The following MORC1 variants were observed in gnomAD, a reference collection of about 807,000 sequenced individuals.
MORC1 encodes the protein MORC family CW-type zinc finger protein 1.
In MORC1, 59 loss-of-function variants were observed where a neutral mutation model predicts 134.9. The ratio of observed to expected loss-of-function variants is 0.44; its 90% CI spans 0.35 to 0.54. The LOEUF is 0.54. Ranked by LOEUF, MORC1 falls within the 20% of genes least tolerant of loss-of-function variation. The pLI, the probability that MORC1 is intolerant of heterozygous loss-of-function variation, is 0.00. For synonymous variants in MORC1, 395 were observed against 391.7 expected (o/e 1.01, Z -0.10); for missense variants, 947 against 1,134.5 (o/e 0.83, Z 2.37).
chr3:109,032,884 G>T, intron 15 of MORC1, 59 bp from the exon 16 acceptor site: 2 of 1,132,972 alleles, frequency 1.8e-6, no homozygotes, highest in Non-Finnish European at 2.6e-6. Flanking sequence ...ATCATAGTAA[G>T]ATGTCAGTTT....
intron 14 of MORC1, among the ~76,000 whole-genome samples, chr3:109,041,633 G>C (rs939053035): frequency 3.9e-5 from 6 of 152,090 alleles, no homozygotes; most frequent in Non-Finnish European, 8.8e-5. Flanking sequence ...CAGCTCATGA[G>C]GTCAAGAGAT....
At chr3:109,032,868 G>C in intron 15 of MORC1, 43 bp from the exon 16 acceptor site, 2 of 1,252,526 alleles carry the variant, frequency 1.6e-6, no homozygotes, top group Non-Finnish European at 2.3e-6. Flanking sequence ...GATCAGAAAT[G>C]AATCTATCAT....
chr3:108,970,489 G>T (rs1327415325), intron 25 of MORC1, among the ~76,000 whole-genome samples: 5 of 152,118 alleles, frequency 3.3e-5, no homozygotes, highest in African/African-American at 1.2e-4. Context: ...CCACGGGAGA[G>T]GATGAGGTGA....
chr3:109,095,621 C>T (rs1484275665), intron 6 of MORC1, among the ~76,000 whole-genome samples: 1 of 152,194 alleles, frequency 6.6e-6, no homozygotes, highest in Admixed American at 6.5e-5. Flanking sequence ...GACTGGAAGA[C>T]ATACCAGGCA....
At chr3:108,963,253 A>G (rs1947129944) in intron 27 of MORC1, among the ~76,000 whole-genome samples, 161 bp downstream of exon 27, 1 of 152,142 alleles carries the variant, frequency 6.6e-6, no homozygotes, top group Admixed American at 6.5e-5. Flanking sequence ...ATGCCTTCAC[A>G]GTTCATTTAT....
At chr3:109,112,245 T>C (rs1018449841) in intron 2 of MORC1, among the ~76,000 whole-genome samples, 5 of 152,218 alleles carry the variant, frequency 3.3e-5, no homozygotes, top group African/African-American at 7.2e-5. Flanking sequence ...TGAAGAGCTA[T>C]TGTATTAGGA....
intron 27 of MORC1, among the ~76,000 whole-genome samples, chr3:108,960,712 C>A (rs987854924): frequency 1.3e-5 from 2 of 152,082 alleles, no homozygotes; most frequent in African/African-American, 4.8e-5. Context: ...GCTTATTCCT[C>A]TCATCAGACA....
chr3:109,040,197 C>CA lies in MORC1; in HGVS notation c.1331-4730dup, dbSNP rs1383606440. Among the ~76,000 whole-genome samples the CA allele has an allele frequency of 2.0e-5, 3 of 150,764 alleles. No individual in the cohort carries two copies. The South Asian group carries it at 6.3e-4, about 32-fold the overall frequency. On this transcript the variant is annotated intron_variant, in intron 14 of 27. Transcript: ENST00000232603. Reference sequence around the variant, plus strand: ...TTAGATTCAAATGTCCAGTTTTCGGCAAAAAAAGAAATCACAAGTCATACG... The same window carrying CA: ...TTAGATTCAAATGTCCAGTTTTCGGCAAAAAAAAGAAATCACAAGTCATACG...
At chr3:109,093,958 T>C (rs951162418) in intron 7 of MORC1, among the ~76,000 whole-genome samples, 4 of 152,200 alleles carry the variant, frequency 2.6e-5, no homozygotes, top group African/African-American at 9.7e-5. Context: ...ATAAGAAATA[T>C]TGTTTTCATA....
intron 1 of MORC1, among the ~76,000 whole-genome samples, chr3:109,116,560 C>T (rs1951278605): frequency 1.3e-5 from 2 of 152,128 alleles, no homozygotes; most frequent in African/African-American, 4.8e-5. Flanking sequence ...CACCTGAGCT[C>T]AGGAGTTCAA....
intron 27 of MORC1, among the ~76,000 whole-genome samples, chr3:108,962,154 A>G (rs1055048079): frequency 7.2e-5 from 11 of 152,164 alleles, no homozygotes; most frequent in Non-Finnish European, 1.5e-4. Context: ...AAATACAATT[A>G]CCTTTATATA....
intron 8 of MORC1, among the ~76,000 whole-genome samples, chr3:109,091,136 TA>T (rs1950714685): frequency 6.6e-6 from 1 of 152,056 alleles, no homozygotes; most frequent in Admixed American, 6.6e-5. Flanking sequence ...TACCATTTTT[TA>T]ACAAGTTAAA....
chr3:109,010,500 A>G (rs1243540607), intron 17 of MORC1, among the ~76,000 whole-genome samples: 31 of 152,060 alleles, frequency 2.0e-4, no homozygotes, highest in Admixed American at 2.0e-3. Flanking sequence ...GTGCATTTTA[A>G]TTTTTCTTTT....
chr3:109,099,295 C>A, intron 6 of MORC1, 63 bp downstream of exon 6: 1 of 1,188,164 alleles, frequency 8.4e-7, no homozygotes, highest in South Asian at 1.4e-5. Context: ...ACTTCACCTC[C>A]TGAGAGAGTA....
At chr3:109,069,042 GC>G (rs63632360) in intron 9 of MORC1, among the ~76,000 whole-genome samples, 18,095 of 152,136 alleles carry the variant, frequency 0.12, 1,148 homozygotes, top group Non-Finnish European at 0.14. Context: ...TGTAATCCCA[GC>G]TACTGGGGAG....
chr3:108,976,611 CAAG>C (rs1947570038), intron 24 of MORC1, among the ~76,000 whole-genome samples: 1 of 152,106 alleles, frequency 6.6e-6, no homozygotes, highest in Non-Finnish European at 1.5e-5. Context: ...ACTGGTATGA[CAAG>C]GAGCTCATTT....
chr3:108,978,574 T>C lies in MORC1; in HGVS notation c.2477+941A>G, dbSNP rs1947626501. 2.0e-5 allele frequency among the ~76,000 whole-genome samples: 3 copies of C among 152,258 alleles called. No individual in the cohort carries two copies. The South Asian group carries it at 6.2e-4, about 32-fold the overall frequency. On this transcript the variant is annotated intron_variant, in intron 24 of 27. Transcript: ENST00000232603. ...GGAATTGAGTTCAAGTCTACTGGGG[T>C]TAGCAGTCTCCTCTCATAAACAGGA...
intron 8 of MORC1, among the ~76,000 whole-genome samples, chr3:109,081,009 T>TCCATGTACACACCCTTTG (rs1553760815): frequency 6.6e-5 from 10 of 152,064 alleles, no homozygotes; most frequent in African/African-American, 2.4e-4. Flanking sequence ...AATTAATCCT[T>TCCATGTACACACCCTTTG]CACCCTCCAT....
chr3:109,068,079 AAC>A (rs1950238624), intron 9 of MORC1, among the ~76,000 whole-genome samples: 1 of 152,244 alleles, frequency 6.6e-6, no homozygotes, highest in Admixed American at 6.5e-5. Flanking sequence ...ATGATAACCT[AAC>A]ACACAGTGTT....
Sources: allele counts gnomAD v4.1 joint callset (sites outside exome capture counted in the v4.1 genomes callset), GRCh38; gene constraint gnomAD v4.1.1; transcripts MANE v1.5; gene names NCBI Gene and HGNC (gene_info 2026-07-23, HGNC 2026-07-21).